The following ENTREP3 variants were observed in gnomAD, a reference collection of about 807,000 sequenced individuals.
The protein encoded by ENTREP3 is endosomal transmembrane epsin interactor 3, also known as protein ENTREP3.
chr1:155,252,151 C>T, the ENTREP3 span: 1 of 436,934 alleles, frequency 2.3e-6, no homozygotes. Flanking sequence ...AGAAGCTCCA[C>T]ACATTCTGTG....
chr1:155,252,705 TATATATATA>T, the ENTREP3 span: 1 of 52,812 alleles, frequency 1.9e-5, no homozygotes, highest in Non-Finnish European at 3.6e-5. Context: ...TATATATATA[TATATATATA>T]TATATATATT....
the ENTREP3 span, chr1:155,247,584 C>T: frequency 1.4e-6 from 1 of 722,572 alleles, no homozygotes. Flanking sequence ...CCATGCAGCA[C>T]AGGACAGAAG....
At chr1:155,249,651 G>C in the ENTREP3 span, among the ~76,000 whole-genome samples, 1 of 151,946 alleles carries the variant, frequency 6.6e-6, no homozygotes, top group Non-Finnish European at 1.5e-5. Flanking sequence ...AGGCCGAGGC[G>C]GGCAGATCAC....
chr1:155,253,834 G>A, the ENTREP3 span: 16 of 1,611,710 alleles, frequency 9.9e-6, no homozygotes, highest in Non-Finnish European at 1.4e-5. Context: ...AGAACCAGGA[G>A]GATGTTTGCA....
the ENTREP3 span, chr1:155,254,222 G>T: frequency 6.4e-7 from 1 of 1,573,216 alleles, no homozygotes; most frequent in South Asian, 1.1e-5. The surrounding 1 kb of genome is among the most constrained non-coding windows in gnomAD (Gnocchi z 4.4). Context: ...CAGACTCAGG[G>T]CTGGGACCCT....
chr1:155,248,817 C>T, the ENTREP3 span, among the ~76,000 whole-genome samples: 6 of 151,800 alleles, frequency 4.0e-5, no homozygotes, highest in African/African-American at 1.2e-4. Flanking sequence ...CAGGTTCAAG[C>T]GATTCTCCTG....
the ENTREP3 span, chr1:155,254,107 G>A: frequency 1.5e-5 from 24 of 1,613,914 alleles, no homozygotes; most frequent in Non-Finnish European, 1.8e-5. This position sits in a 1 kb window ranked among gnomAD's most constrained non-coding sequence, Gnocchi z 4.4. Context: ...TGGAAGTCTC[G>A]GGCCAGTTGA....
chr1:155,250,610 T>A, the ENTREP3 span: 26 of 1,608,734 alleles, frequency 1.6e-5, 1 homozygote, highest in South Asian at 7.7e-5. The surrounding 1 kb of genome is among the most constrained non-coding windows in gnomAD (Gnocchi z 5.4). Context: ...GGGGGCGCCG[T>A]GGCAGGGGGC....
chr1:155,254,745 C>G, the ENTREP3 span: 3 of 1,613,818 alleles, frequency 1.9e-6, no homozygotes, highest in African/African-American at 4.0e-5. The surrounding 1 kb of genome is among the most constrained non-coding windows in gnomAD (Gnocchi z 4.4). Flanking sequence ...ACCAGGATGC[C>G]CAGGAGCACT....
At chr1:155,247,823 T>C in the ENTREP3 span, 67 of 1,478,492 alleles carry the variant, frequency 4.5e-5, no homozygotes, top group African/African-American at 1.8e-4. Flanking sequence ...AGGCTGAGGC[T>C]GTGGGGGCGG....
At chr1:155,249,436 T>C in the ENTREP3 span, among the ~76,000 whole-genome samples, 1 of 152,010 alleles carries the variant, frequency 6.6e-6, no homozygotes, top group Non-Finnish European at 1.5e-5. Context: ...AGCTGAAGCT[T>C]GGGGAGGACA....
the ENTREP3 span, among the ~76,000 whole-genome samples, chr1:155,249,450 A>G: frequency 6.6e-6 from 1 of 152,158 alleles, no homozygotes; most frequent in Non-Finnish European, 1.5e-5. Context: ...GAGGACAGAT[A>G]AGTGGACCAA....
the ENTREP3 span, chr1:155,251,003 C>T: frequency 7.3e-7 from 1 of 1,360,598 alleles, no homozygotes; most frequent in Admixed American, 1.9e-5. Flanking sequence ...AAACCACCAA[C>T]TCCGCCTTGT....
the ENTREP3 span, chr1:155,252,001 G>A: frequency 1.1e-6 from 1 of 893,546 alleles, no homozygotes; most frequent in Admixed American, 3.8e-5. Context: ...TATTTTTTCT[G>A]GCCCTATCCC....
At chr1:155,252,846 C>T in the ENTREP3 span, 2 of 146,804 alleles carry the variant, frequency 1.4e-5, no homozygotes, top group Non-Finnish European at 3.0e-5. Flanking sequence ...ATTTTCCTGC[C>T]TCAGACTCCC....
At chr1:155,252,126 G>T in the ENTREP3 span, 1 of 449,300 alleles carries the variant, frequency 2.2e-6, no homozygotes, top group Non-Finnish European at 3.9e-6. Flanking sequence ...CCTCTTTATG[G>T]CCCCACCTCC....
chr1:155,253,582 C>T, the ENTREP3 span: 2 of 1,405,498 alleles, frequency 1.4e-6, no homozygotes, highest in Non-Finnish European at 2.0e-6. Context: ...CACACCCCTG[C>T]CCCCACCATA....
At chr1:155,251,543 G>A in the ENTREP3 span, 1 of 1,614,008 alleles carries the variant, frequency 6.2e-7, no homozygotes, top group Non-Finnish European at 8.5e-7. Context: ...TCATAAGAAG[G>A]GGGGCAATCG....
the ENTREP3 span, chr1:155,255,114 G>T: frequency 7.0e-5 from 41 of 588,218 alleles, no homozygotes; most frequent in Non-Finnish European, 1.0e-4. This position sits in a 1 kb window ranked among gnomAD's most constrained non-coding sequence, Gnocchi z 5.6. Context: ...GACGGGCACC[G>T]TGCCCGGGGC....
Sources: gnomAD v4.1 joint callset for allele counts (sites outside exome capture counted in the v4.1 genomes callset) on GRCh38, gnomAD v4.1.1 for gene constraint, Gnocchi (gnomAD v3.1) non-coding constraint, MANE v1.5 for transcripts, NCBI Gene and HGNC (gene_info 2026-07-23, HGNC 2026-07-21) for gene names.